MXI1: variants seen among roughly 807,000 people sequenced by gnomAD.
MXI1 encodes MAX interactor 1, dimerization protein.
Under a neutral mutation model 36.9 loss-of-function variants are expected in MXI1, and 18 were observed. The observed-to-expected ratio is 0.49, with a 90% CI of 0.34 to 0.72. The LOEUF is 0.72. Among genes scored for constraint, MXI1 ranks in the 30% least tolerant of loss-of-function variants. MXI1 has a pLI of 0.01. For synonymous variants in MXI1, 160 were observed against 146.7 expected (o/e 1.09, Z -0.65); for missense variants, 304 against 379.1 (o/e 0.80, Z 1.64).
intron 5 of MXI1, among the ~76,000 whole-genome samples, chr10:110,280,451 C>T (rs1327839736): frequency 1.3e-5 from 2 of 151,804 alleles, no homozygotes; most frequent in South Asian, 2.1e-4. Context: ...GAGGCCAAGG[C>T]GGGCAGATCA....
At chr10:110,275,129 C>G (rs1856984659) in intron 3 of MXI1, among the ~76,000 whole-genome samples, 1 of 151,982 alleles carries the variant, frequency 6.6e-6, no homozygotes, top group Non-Finnish European at 1.5e-5. Flanking sequence ...CCCACCTCGG[C>G]CTCCCAAAGT....
At chr10:110,216,962 C>T (rs1395274956) in intron 1 of MXI1, among the ~76,000 whole-genome samples, 1 of 152,120 alleles carries the variant, frequency 6.6e-6, no homozygotes, top group Non-Finnish European at 1.5e-5. Flanking sequence ...GCCACCGTGC[C>T]CGGCCTACAA....
chr10:110,220,715 A>G (rs1854782903), intron 1 of MXI1, among the ~76,000 whole-genome samples: 3 of 152,220 alleles, frequency 2.0e-5, no homozygotes, highest in Non-Finnish European at 4.4e-5. Flanking sequence ...GAAAGAACAG[A>G]CTATTGCAAT....
intron 5 of MXI1, among the ~76,000 whole-genome samples, chr10:110,282,692 G>C (rs1857298143): frequency 6.6e-6 from 1 of 151,798 alleles, no homozygotes; most frequent in African/African-American, 2.4e-5. Context: ...CCTTACTTTA[G>C]CGGTACCTTA....
chr10:110,220,834 A>G (rs1420069987), intron 1 of MXI1, among the ~76,000 whole-genome samples: 1 of 152,268 alleles, frequency 6.6e-6, no homozygotes, highest in African/African-American at 2.4e-5. Flanking sequence ...CAGTGCTTCA[A>G]AACAATAACA....
At chr10:110,238,805 A>G (rs1165543762) in intron 2 of MXI1, among the ~76,000 whole-genome samples, 1 of 152,164 alleles carries the variant, frequency 6.6e-6, no homozygotes, top group Non-Finnish European at 1.5e-5. Context: ...GTATCTTTCA[A>G]GAAATTTGTT....
intron 3 of MXI1, chr10:110,245,953 A>G (rs961977289): frequency 2.6e-5 from 4 of 152,174 alleles, no homozygotes; most frequent in Non-Finnish European, 5.9e-5. Flanking sequence ...AAGAAAAGAA[A>G]TAGAAGAAGA....
intron 1 of MXI1, among the ~76,000 whole-genome samples, chr10:110,217,967 G>T (rs1021418935): frequency 6.6e-6 from 1 of 152,148 alleles, no homozygotes; most frequent in Non-Finnish European, 1.5e-5. Context: ...CATCCAATAT[G>T]CAGGTGCTAT....
chr10:110,259,252 G>C (rs746399758), intron 3 of MXI1, among the ~76,000 whole-genome samples: 5 of 151,946 alleles, frequency 3.3e-5, no homozygotes, highest in African/African-American at 4.8e-5. Context: ...AAAAACAACA[G>C]GAAGAGTTTA....
intron 1 of MXI1, among the ~76,000 whole-genome samples, chr10:110,222,771 A>G (rs1054280299): frequency 8.5e-5 from 13 of 152,194 alleles, no homozygotes; most frequent in Non-Finnish European, 1.6e-4. Context: ...AAGAAAGGCT[A>G]TGGCTGCCTC....
chr10:110,273,577 T>C (rs936150785), intron 3 of MXI1, among the ~76,000 whole-genome samples: 2 of 152,124 alleles, frequency 1.3e-5, no homozygotes, highest in Non-Finnish European at 2.9e-5. Flanking sequence ...TTGGTATATA[T>C]GTGTAGGAAA....
chr10:110,241,593 C>T (rs116343940), intron 2 of MXI1, among the ~76,000 whole-genome samples: 3,264 of 152,058 alleles, frequency 0.021, 55 homozygotes, highest in African/African-American at 0.035. Context: ...GTACTGTCCT[C>T]ACAGCTGACT....
intron 5 of MXI1, among the ~76,000 whole-genome samples, chr10:110,281,099 CTTT>C (rs751029300): frequency 2.0e-5 from 3 of 151,978 alleles, no homozygotes; most frequent in African/African-American, 7.2e-5. Flanking sequence ...TTGTTTTTGA[CTTT>C]TTTAAGTGGA....
At chr10:110,265,898 G>A (rs1188508098) in intron 3 of MXI1, among the ~76,000 whole-genome samples, 1 of 152,150 alleles carries the variant, frequency 6.6e-6, no homozygotes, top group Admixed American at 6.5e-5. Context: ...GCTTTCAGGA[G>A]AAACACTACA....
At chr10:110,231,848 T>G (rs899079302) in intron 2 of MXI1, among the ~76,000 whole-genome samples, 3 of 152,198 alleles carry the variant, frequency 2.0e-5, no homozygotes, top group Non-Finnish European at 4.4e-5. Context: ...CACTGATTTC[T>G]TCCTAAATAT....
intron 2 of MXI1, among the ~76,000 whole-genome samples, chr10:110,236,210 T>C (rs918504881): frequency 4.3e-5 from 6 of 140,270 alleles, no homozygotes. Flanking sequence ...GAAAAGACTA[T>C]ACTTTATTCA....
intron 3 of MXI1, among the ~76,000 whole-genome samples, chr10:110,269,166 GGTT>G (rs1705219386): frequency 6.6e-6 from 1 of 152,170 alleles, no homozygotes; most frequent in Non-Finnish European, 1.5e-5. Flanking sequence ...TAGTAAGCAT[GGTT>G]ACCACTTTTA....
chr10:110,214,416 C>G (rs1311758767), intron 1 of MXI1, among the ~76,000 whole-genome samples: 1 of 152,046 alleles, frequency 6.6e-6, no homozygotes, highest in Non-Finnish European at 1.5e-5. Context: ...GAAACACCAC[C>G]CCCCTCCTGC....
chr10:110,246,484 C>T (rs900345063), intron 3 of MXI1, among the ~76,000 whole-genome samples: 1 of 152,118 alleles, frequency 6.6e-6, no homozygotes, highest in Non-Finnish European at 1.5e-5. Flanking sequence ...GTTTAAATGT[C>T]AAATCCCCTT....
Sources: allele counts gnomAD v4.1 joint callset (sites outside exome capture counted in the v4.1 genomes callset), GRCh38; gene constraint gnomAD v4.1.1; transcripts MANE v1.5; gene names NCBI Gene and HGNC (gene_info 2026-07-23, HGNC 2026-07-21).